DIAPH3: variants seen among roughly 807,000 people sequenced by gnomAD.
DIAPH3 encodes the protein diaphanous related formin 3, also known as protein diaphanous homolog 3.
In DIAPH3, 117 loss-of-function variants were observed where a neutral mutation model predicts 144.3. That is an observed-to-expected ratio of 0.81 (90% CI 0.70 to 0.95). The LOEUF is 0.95. Among genes scored for constraint, DIAPH3 ranks in the 40% least tolerant of loss-of-function variants. The pLI is 0.00. For synonymous variants in DIAPH3, 519 were observed against 488.9 expected (o/e 1.06, Z -0.81); for missense variants, 1,421 against 1,412.7 (o/e 1.01, Z -0.09).
At chr13:59,888,318 A>T (rs925898479) in intron 20 of DIAPH3, among the ~76,000 whole-genome samples, 1 of 152,142 alleles carries the variant, frequency 6.6e-6, no homozygotes, top group African/African-American at 2.4e-5. Flanking sequence ...GGCCCTCACC[A>T]GAAATGGAGT....
At chr13:59,754,842 A>G (rs189280344) in intron 27 of DIAPH3, among the ~76,000 whole-genome samples, 15 of 152,236 alleles carry the variant, frequency 9.9e-5, no homozygotes, top group African/African-American at 3.4e-4. Flanking sequence ...GGTTGTACTG[A>G]TAAGTTTTCA....
rs71197285 is a variant in DIAPH3, at chr13:60,158,906, TAA to T, written c.180+4679_180+4680del. On this transcript the variant is annotated intron_variant, in intron 1 of 27. Transcript: ENST00000400324. The stretch of plus-strand genomic sequence containing the variant: ...ATTGTTGCTCCTGCCTGGCCCCTCT[TAA>T]AAAAAAAAAAAAAAAAAAAAAAAAC... Among the ~76,000 whole-genome samples the T allele has an allele frequency of 1.5e-3, 114 of 76,910 alleles. 2 individuals carry two copies. Among genetic ancestry groups the T allele is most frequent in the Admixed American group, 7.2e-3 (44 of 6,132 alleles). The allele number at this position is 76,910 out of a possible 152,430, so 50.5% of individuals were successfully genotyped here.
chr13:59,851,662 C>T (rs1436860574), intron 22 of DIAPH3, among the ~76,000 whole-genome samples: 11 of 119,130 alleles, frequency 9.2e-5, no homozygotes, highest in Non-Finnish European at 1.5e-4. Context: ...TTTTTTGAGA[C>T]AGCGTTTCGC....
At chr13:60,051,010 C>A (rs1039403720) in intron 4 of DIAPH3, among the ~76,000 whole-genome samples, 3 of 152,050 alleles carry the variant, frequency 2.0e-5, no homozygotes, top group African/African-American at 7.2e-5. Flanking sequence ...AGATGATGTC[C>A]AGGTTTTTGT....
chr13:59,954,103 CTCCT>C (rs2049249689), intron 17 of DIAPH3, among the ~76,000 whole-genome samples: 1 of 152,146 alleles, frequency 6.6e-6, no homozygotes, highest in African/African-American at 2.4e-5. Flanking sequence ...CTTTCCCTCC[CTCCT>C]GTTCTCTAAT....
intron 2 of DIAPH3, among the ~76,000 whole-genome samples, chr13:60,131,459 A>AC (rs2059138105): frequency 6.6e-6 from 1 of 150,860 alleles, no homozygotes; most frequent in Non-Finnish European, 1.5e-5. Flanking sequence ...AAAAAAAAAA[A>AC]ACAAATGAAG....
At chr13:60,080,677 T>A (rs972700622) in intron 4 of DIAPH3, among the ~76,000 whole-genome samples, 4 of 151,890 alleles carry the variant, frequency 2.6e-5, no homozygotes, top group African/African-American at 4.8e-5. Context: ...AACATTACAT[T>A]TTCTGTCTAT....
chr13:60,033,188 A>G (rs1355369161), intron 5 of DIAPH3, among the ~76,000 whole-genome samples: 1 of 152,228 alleles, frequency 6.6e-6, no homozygotes, highest in African/African-American at 2.4e-5. Context: ...GGTCACAATC[A>G]TTTAATGAGT....
At chr13:59,947,415 A>G (rs140795859) in intron 17 of DIAPH3, among the ~76,000 whole-genome samples, 5 of 152,334 alleles carry the variant, frequency 3.3e-5, no homozygotes, top group East Asian at 1.9e-4. Context: ...AAATAAACCA[A>G]TGAAAAACAT....
intron 21 of DIAPH3, among the ~76,000 whole-genome samples, chr13:59,862,961 C>T (rs2043686648): frequency 6.6e-6 from 1 of 152,088 alleles, no homozygotes; most frequent in Non-Finnish European, 1.5e-5. Context: ...ACTGGGGCAC[C>T]AACTTGTGAC....
At chr13:59,940,920 C>A (rs373887134) in intron 17 of DIAPH3, among the ~76,000 whole-genome samples, 1 of 152,022 alleles carries the variant, frequency 6.6e-6, no homozygotes, top group African/African-American at 2.4e-5. Flanking sequence ...TTCATTCTAC[C>A]CTGCAGAGAA....
chr13:59,861,964 G>A (rs1293067610), intron 21 of DIAPH3, among the ~76,000 whole-genome samples: 1 of 152,158 alleles, frequency 6.6e-6, no homozygotes, highest in Non-Finnish European at 1.5e-5. Flanking sequence ...AAGCTGTTTA[G>A]TTAAAAAATA....
chr13:59,987,139 G>A (rs186843), intron 12 of DIAPH3, among the ~76,000 whole-genome samples: 83,997 of 151,264 alleles, frequency 0.56, 23,858 homozygotes, highest in Admixed American at 0.61. Context: ...GGAATACTAT[G>A]CAGCCATAAA....
At chr13:59,944,503 C>T (rs1025360744) in intron 17 of DIAPH3, among the ~76,000 whole-genome samples, 1 of 152,012 alleles carries the variant, frequency 6.6e-6, no homozygotes, top group African/African-American at 2.4e-5. Flanking sequence ...AATCCAAAAG[C>T]TTTAGGCATT....
At chr13:59,744,307 G>C (rs748637914) in intron 27 of DIAPH3, among the ~76,000 whole-genome samples, 3 of 152,146 alleles carry the variant, frequency 2.0e-5, no homozygotes, top group Non-Finnish European at 4.4e-5. Context: ...GTGACATTAT[G>C]AGTAGAAATA....
intron 20 of DIAPH3, among the ~76,000 whole-genome samples, chr13:59,883,961 G>C (rs781744049): frequency 6.6e-6 from 1 of 152,000 alleles, no homozygotes; most frequent in African/African-American, 2.4e-5. Flanking sequence ...ATCTACTTTT[G>C]TTGTCTCTCC....
chr13:60,116,229 T>C (rs2058699846), intron 2 of DIAPH3, among the ~76,000 whole-genome samples: 1 of 152,006 alleles, frequency 6.6e-6, no homozygotes, highest in Non-Finnish European at 1.5e-5. Flanking sequence ...GACAAGCACA[T>C]AGGTAATTAT....
In DIAPH3 at chr13:59,774,811, G is replaced by A. The variant is rs779852860; in HGVS notation, c.3176C>T (p.Thr1059Ile). The change falls in exon 26 of 28, where the codon ACA becomes ATA. Residue 1059 changes from threonine (T) to isoleucine (I), a missense_variant. Physicochemically the swap from Thr to Ile is moderately conservative, Grantham distance 89. Coordinates refer to ENST00000400324, the MANE Select transcript of DIAPH3 (RefSeq NM_001042517.2). ...CTCCAGCAGATTATCCATCACTCCTGTCTCATCACCCTCTGTGAAAAGAGA... is the reference window on the plus strand; with the variant it reads ...CTCCAGCAGATTATCCATCACTCCTATCTCATCACCCTCTGTGAAAAGAGA... ...LLEMKTEGDE[T>I]GVMDNLLEAL... The A allele has an allele frequency of 6.2e-7, 1 of 1,613,924 alleles. No individual in the cohort carries two copies. Among genetic ancestry groups the A allele is most frequent in the African/African-American group, 1.3e-5 (1 of 75,018 alleles).
chr13:59,789,503 A>T (rs537575101), intron 25 of DIAPH3, among the ~76,000 whole-genome samples: 1 of 152,362 alleles, frequency 6.6e-6, no homozygotes, highest in South Asian at 2.1e-4. Context: ...ATGGTTTCAG[A>T]TAATGAAAAT....
Sources: allele counts gnomAD v4.1 joint callset (sites outside exome capture counted in the v4.1 genomes callset), GRCh38; gene constraint gnomAD v4.1.1; transcripts MANE v1.5; gene names NCBI Gene and HGNC (gene_info 2026-07-23, HGNC 2026-07-21).